PLXNA4: variants seen among roughly 807,000 people sequenced by gnomAD.
The protein encoded by PLXNA4 is plexin A4.
A neutral mutation model predicts 191.8 loss-of-function variants in PLXNA4; 44 were observed. The observed-to-expected ratio is 0.23, with a 90% CI of 0.18 to 0.29. The LOEUF is 0.29. PLXNA4 is among the 10% of genes least tolerant of loss of function. The pLI, the probability that PLXNA4 is intolerant of heterozygous loss-of-function variation, is 1.00. For synonymous variants in PLXNA4, 1,082 were observed against 1,009.5 expected (o/e 1.07, Z -1.36); for missense variants, 1,800 against 2,488.8 (o/e 0.72, Z 5.89).
chr7:132,335,463 C>A (rs576294452), intron 3 of PLXNA4, among the ~76,000 whole-genome samples: 44 of 152,300 alleles, frequency 2.9e-4, no homozygotes, highest in Admixed American at 8.5e-4. Flanking sequence ...AGAGTTCATT[C>A]TCCTTCAATG....
At chr7:132,562,221 T>C (rs1374445690) in intron 1 of PLXNA4, among the ~76,000 whole-genome samples, 48 of 76,628 alleles carry the variant, frequency 6.3e-4, no homozygotes, top group Admixed American at 9.2e-4. Flanking sequence ...CCTCCTTCTC[T>C]TCCTCTTTCT....
chr7:132,586,439 A>G (rs1235540872), intron 2 of PLXNA4, among the ~76,000 whole-genome samples: 1 of 152,228 alleles, frequency 6.6e-6, no homozygotes, highest in Non-Finnish European at 1.5e-5. Flanking sequence ...AGAGCTTAAC[A>G]GATCTGCATT....
intron 2 of PLXNA4, among the ~76,000 whole-genome samples, chr7:132,643,694 T>C (rs1391349577): frequency 6.6e-6 from 1 of 152,168 alleles, no homozygotes; most frequent in Non-Finnish European, 1.5e-5. Context: ...ATCACACCTG[T>C]AATTCCAGGA....
rs562077710 is a variant in PLXNA4, at chr7:132,347,376, C to T, written c.1372-49154G>A. Among the ~76,000 whole-genome samples the T allele has an allele frequency of 1.1e-3, 173 of 152,238 alleles. 1 individual carries two copies. The highest frequency in any genetic ancestry group is 3.0e-3 in the Admixed American group (46 of 15,294). Reference sequence around the variant, plus strand: ...CATCACCTGAAAACTAAGCAAGACACGAAAGGAGGGTGCATCTGTAGGAAG... The same window carrying T: ...CATCACCTGAAAACTAAGCAAGACATGAAAGGAGGGTGCATCTGTAGGAAG... On this transcript the variant is annotated intron_variant, in intron 3 of 31. Coordinates refer to ENST00000321063, the MANE Select transcript of PLXNA4 (RefSeq NM_020911.2).
intron 3 of PLXNA4, chr7:132,384,592 A>G: frequency 1.0e-6 from 1 of 989,762 alleles, no homozygotes; most frequent in Non-Finnish European, 1.2e-6. Flanking sequence ...TGCACATATG[A>G]TCAGCTCATC....
intron 10 of PLXNA4, among the ~76,000 whole-genome samples, chr7:132,205,516 TGA>T (rs150848387): frequency 4.4e-4 from 65 of 149,380 alleles, no homozygotes; most frequent in Non-Finnish European, 6.0e-4. Flanking sequence ...TGTGTGTGTG[TGA>T]GAGAGAGAGA....
At chr7:132,341,110 C>A (rs1379596694) in intron 3 of PLXNA4, among the ~76,000 whole-genome samples, 1 of 152,168 alleles carries the variant, frequency 6.6e-6, no homozygotes, top group African/African-American at 2.4e-5. Flanking sequence ...GGCCCTACCC[C>A]TGAATGACTG....
At chr7:132,575,673 A>G (rs144441119) in intron 1 of PLXNA4, among the ~76,000 whole-genome samples, 2 of 152,330 alleles carry the variant, frequency 1.3e-5, no homozygotes, top group African/African-American at 4.8e-5. Flanking sequence ...CTTACCTTTT[A>G]AGGAGGATCT....
intron 23 of PLXNA4, 152 bp downstream of exon 23, chr7:132,164,982 T>A: frequency 1.6e-6 from 2 of 1,213,476 alleles, no homozygotes; most frequent in Non-Finnish European, 2.2e-6. Flanking sequence ...TCTGTCTTCC[T>A]AGACAGTCCA....
chr7:132,499,374 C>T (rs527673183), intron 2 of PLXNA4, among the ~76,000 whole-genome samples: 17 of 152,356 alleles, frequency 1.1e-4, no homozygotes, highest in Admixed American at 9.8e-4. Flanking sequence ...GTTTAGCAAC[C>T]AACACCAGAC....
intron 28 of PLXNA4, 143 bp from the exon 29 acceptor site, chr7:132,145,431 A>T: frequency 8.8e-7 from 1 of 1,134,992 alleles, no homozygotes; most frequent in Non-Finnish European, 1.2e-6. Context: ...TCCATGCATT[A>T]AATCATTTTT....
intron 14 of PLXNA4, among the ~76,000 whole-genome samples, chr7:132,188,993 G>GAGAGAGAGAGAGAGA (rs1491529978): frequency 2.8e-5 from 1 of 35,570 alleles, no homozygotes; most frequent in African/African-American, 1.5e-4. Context: ...GGAAAGGAAA[G>GAGAGAGAGAGAGAGA]GAGAGAGAGA....
At chr7:132,322,748 T>C (rs1802223004) in intron 3 of PLXNA4, among the ~76,000 whole-genome samples, 1 of 152,246 alleles carries the variant, frequency 6.6e-6, no homozygotes. Flanking sequence ...TTTAAACTAT[T>C]GTGACTTATT....
chr7:132,418,041 C>T (rs1488530428), intron 3 of PLXNA4, among the ~76,000 whole-genome samples: 1 of 152,178 alleles, frequency 6.6e-6, no homozygotes, highest in East Asian at 1.9e-4. Flanking sequence ...GCATTCTGGG[C>T]ACTGAGTCTT....
chr7:132,236,650 T>A (rs968647651), intron 5 of PLXNA4, among the ~76,000 whole-genome samples: 5 of 152,116 alleles, frequency 3.3e-5, no homozygotes, highest in African/African-American at 1.2e-4. Flanking sequence ...TCACTGAGCC[T>A]GGCACACTGC....
At chr7:132,255,307 A>G (rs952738801) in intron 4 of PLXNA4, among the ~76,000 whole-genome samples, 1 of 152,194 alleles carries the variant, frequency 6.6e-6, no homozygotes, top group African/African-American at 2.4e-5. Flanking sequence ...CTGCCACTTA[A>G]GAGCTTGGTC....
At chr7:132,188,974 GAAA>G (rs1796974349) in intron 14 of PLXNA4, among the ~76,000 whole-genome samples, 2 of 56,982 alleles carry the variant, frequency 3.5e-5, no homozygotes, top group South Asian at 2.4e-3. Context: ...GAAAGGAAAG[GAAA>G]GGAAAGGAAA....
Position 132,508,160 on chromosome 7 carries a change from G to T in PLXNA4, c.534C>A (p.Asn178Lys). The change falls in exon 2 of 32, where the codon AAC becomes AAA. Residue 178 changes from asparagine (N) to lysine (K), a missense_variant. Transcript: ENST00000321063. This position sits in a 1 kb window ranked among gnomAD's most constrained non-coding sequence, Gnocchi z 4.4. The stretch of plus-strand genomic sequence containing the variant: ...TGGCAATGAACAGCTTGTCATCCAG[G>T]TTGCTGTAGGAGACGATCACTCCAA... ...SVFGVIVSYS[N>K]LDDKLFIATA... The T allele has an allele frequency of 1.9e-6, 3 of 1,614,140 alleles. No homozygotes were observed. Among genetic ancestry groups the T allele is most frequent in the African/African-American group, 1.3e-5 (1 of 75,034 alleles).
At position 132,182,102 on chromosome 7, in the gene PLXNA4, T is replaced by C. The variant is rs368064887; in HGVS notation, c.3247A>G (p.Ile1083Val). 6.1e-5 allele frequency: 99 copies of C among 1,614,036 alleles called. No homozygotes were observed. Among genetic ancestry groups the C allele is most frequent in the Non-Finnish European group, 5.8e-5 (68 of 1,180,044 alleles). Residue 1083 changes from isoleucine (I) to valine (V), a missense_variant, in exon 17 of 32, where the codon ATC becomes GTC. Around this residue, in one of 6 missense-constraint regions of PLXNA4, gnomAD observed 1,397 missense variants for 1,880.4 expected, o/e 0.74. Transcript: ENST00000321063. ...CCCATCAGCCCTACACTCACATTGATGTGCTCCTTCCCTCCATGCTTGGCA... is the reference window on the plus strand; with the variant it reads ...CCCATCAGCCCTACACTCACATTGACGTGCTCCTTCCCTCCATGCTTGGCA... ...IRAKHGGKEH[I>V]NICEVLNATE...
Sources: allele counts gnomAD v4.1 joint callset (sites outside exome capture counted in the v4.1 genomes callset), GRCh38; gene constraint gnomAD v4.1.1; regional missense constraint gnomAD v4.1.1; non-coding constraint Gnocchi (gnomAD v3.1); transcripts MANE v1.5; gene names NCBI Gene and HGNC (gene_info 2026-07-23, HGNC 2026-07-21).